Variants in SORCS1 observed in about 807,000 individuals in gnomAD.
SORCS1 encodes sortilin related VPS10 domain containing receptor 1.
In SORCS1, 60 loss-of-function variants were observed where a neutral mutation model predicts 146.1. The ratio of observed to expected loss-of-function variants is 0.41; its 90% confidence interval spans 0.33 to 0.51. The LOEUF is 0.51. Ranked by LOEUF, SORCS1 falls within the 20% of genes least tolerant of loss-of-function variation. The pLI, the probability that SORCS1 is intolerant of heterozygous loss-of-function variation, is 0.21. For missense variants in SORCS1, 1,352 were observed against 1,487.6 expected (o/e 0.91, Z 1.50); for synonymous variants, 637 against 584.0 (o/e 1.09, Z -1.31).
intron 3 of SORCS1, among the ~76,000 whole-genome samples, chr10:106,812,975 A>G (rs560291252): frequency 6.6e-6 from 1 of 152,270 alleles, no homozygotes; most frequent in African/African-American, 2.4e-5. Flanking sequence ...ACCATTTCTC[A>G]GCTGTGGCTT....
chr10:106,914,984 G>A (rs534204929), intron 2 of SORCS1, among the ~76,000 whole-genome samples: 12 of 152,256 alleles, frequency 7.9e-5, no homozygotes, highest in Non-Finnish European at 8.8e-5. Context: ...TAACAGACAC[G>A]AGACTGTGAC....
At chr10:106,711,568 CCT>C (rs1854993356) in intron 6 of SORCS1, among the ~76,000 whole-genome samples, 1 of 152,316 alleles carries the variant, frequency 6.6e-6, no homozygotes, top group Non-Finnish European at 1.5e-5. Flanking sequence ...TTTCTGATAA[CCT>C]CTCAGTAGAC....
At chr10:107,069,444 C>T (rs1229661514) in intron 1 of SORCS1, among the ~76,000 whole-genome samples, 1 of 151,818 alleles carries the variant, frequency 6.6e-6, no homozygotes, top group Non-Finnish European at 1.5e-5. Context: ...AGTGCCATGT[C>T]GGCTCACTGC....
intron 2 of SORCS1, among the ~76,000 whole-genome samples, chr10:106,920,988 AAACAC>A (rs1344124924): frequency 6.6e-6 from 1 of 152,114 alleles, no homozygotes; most frequent in Non-Finnish European, 1.5e-5. Flanking sequence ...GCTCCTGGGA[AAACAC>A]TCCCATTTTT....
At chr10:107,132,539 C>T (rs188483778) in intron 1 of SORCS1, among the ~76,000 whole-genome samples, 3 of 152,228 alleles carry the variant, frequency 2.0e-5, no homozygotes, top group African/African-American at 7.2e-5. Context: ...ACAACAAATA[C>T]TTGTTTCTTG....
chr10:106,648,696 G>A (rs1003116965), intron 18 of SORCS1, among the ~76,000 whole-genome samples: 5 of 152,146 alleles, frequency 3.3e-5, no homozygotes, highest in African/African-American at 9.7e-5. Flanking sequence ...GGAAAGGGAA[G>A]GGAATGGTCC....
At chr10:106,685,091 G>C (rs1852723751) in intron 10 of SORCS1, among the ~76,000 whole-genome samples, 1 of 152,166 alleles carries the variant, frequency 6.6e-6, no homozygotes, top group Non-Finnish European at 1.5e-5. Context: ...ATCTTAATGA[G>C]CTTCCTGCTT....
chr10:107,089,512 G>T (rs973250248), intron 1 of SORCS1, among the ~76,000 whole-genome samples: 18 of 152,250 alleles, frequency 1.2e-4, no homozygotes, highest in African/African-American at 4.3e-4. Flanking sequence ...TCATCTAATA[G>T]ATACTATTTC....
intron 2 of SORCS1, among the ~76,000 whole-genome samples, chr10:106,894,184 C>T (rs956497319): frequency 1.3e-5 from 2 of 151,830 alleles, no homozygotes; most frequent in African/African-American, 2.4e-5. Flanking sequence ...ACTTAATGAA[C>T]AGCAAATTGG....
At chr10:106,901,420 G>A (rs1194123458) in intron 2 of SORCS1, among the ~76,000 whole-genome samples, 1 of 152,068 alleles carries the variant, frequency 6.6e-6, no homozygotes, top group Non-Finnish European at 1.5e-5. Context: ...AAAAATTAAA[G>A]GTATGCAGTT....
intron 3 of SORCS1, among the ~76,000 whole-genome samples, chr10:106,777,892 G>A (rs1589855635): frequency 6.6e-6 from 1 of 152,144 alleles, no homozygotes; most frequent in East Asian, 1.9e-4. Context: ...TTGGTTCAGG[G>A]AAGCATGAAA....
chr10:106,688,086 T>A, intron 10 of SORCS1, 106 bp downstream of exon 10: 1 of 1,475,616 alleles, frequency 6.8e-7, no homozygotes, highest in African/African-American at 1.4e-5. Context: ...CACTCCCTTT[T>A]GTTCATCAAC....
rs184042834 is a variant in SORCS1 at position 106,576,053 on chromosome 10, A to T, written c.*1367T>A. On this transcript the variant is annotated 3_prime_UTR_variant, in exon 26 of 26. Transcript: ENST00000263054. The stretch of plus-strand genomic sequence containing the variant: ...CTCTATGCTTTCTTTTCCAAAGTAC[A>T]TGGCCAGGTTTGAATTACTTTGCAT... The T allele has an allele frequency of 6.6e-6, 1 of 152,298 alleles. No individual in the cohort carries two copies. The highest frequency in any genetic ancestry group is 1.5e-5 in the Non-Finnish European group (1 of 68,046). 9.4% of individuals were successfully genotyped at this position (152,298 alleles called of 1,614,324 possible). A position where few individuals can be genotyped will look rare whatever the true frequency, so the allele number is the denominator to read the frequency against.
chr10:106,912,112 C>CAAAAA (rs369514401), intron 2 of SORCS1, among the ~76,000 whole-genome samples: 7 of 124,734 alleles, frequency 5.6e-5, no homozygotes, highest in Admixed American at 8.2e-5. Flanking sequence ...GCCTCCGTCT[C>CAAAAA]AAAAAAAAAA....
At chr10:106,931,343 G>C (rs1460783079) in intron 2 of SORCS1, among the ~76,000 whole-genome samples, 3 of 152,194 alleles carry the variant, frequency 2.0e-5, no homozygotes, top group Non-Finnish European at 4.4e-5. Flanking sequence ...GTTTACAGTA[G>C]CAGTAGGACA....
chr10:107,101,711 C>T (rs1024747065), intron 1 of SORCS1, among the ~76,000 whole-genome samples: 1 of 151,690 alleles, frequency 6.6e-6, no homozygotes, highest in Non-Finnish European at 1.5e-5. Context: ...GTATGTCAAG[C>T]ATAACATTTC....
chr10:107,043,761 G>A lies in SORCS1; in HGVS notation c.559-87181C>T, dbSNP rs543836507. ...CAGCCCTATGATGCCTACTAAATTC[G>A]GCAATGGAGTGTTTCATTGTGGGAT... On this transcript the variant is annotated intron_variant, in intron 1 of 25. Transcript: ENST00000263054. Among the ~76,000 whole-genome samples, 7 of 152,122 alleles carry A rather than the reference G, an allele frequency of 4.6e-5. No individual in the cohort carries two copies. In the South Asian group the frequency reaches 8.3e-4, roughly 18 times the overall value.
intron 1 of SORCS1, among the ~76,000 whole-genome samples, chr10:107,036,463 C>G (rs1958911029): frequency 6.6e-6 from 1 of 152,126 alleles, no homozygotes; most frequent in African/African-American, 2.4e-5. Flanking sequence ...CCAGTATTCT[C>G]TATGCTCCCA....
chr10:107,169,036 T>C (rs963146756), upstream of SORCS1, among the ~76,000 whole-genome samples: 4 of 152,154 alleles, frequency 2.6e-5, no homozygotes, highest in Admixed American at 6.5e-5. Context: ...GGAAGTAATG[T>C]TAAAGAGAAT....
Sources: gnomAD v4.1 joint callset for allele counts (sites outside exome capture counted in the v4.1 genomes callset) on GRCh38, gnomAD v4.1.1 for gene constraint, MANE v1.5 for transcripts, NCBI Gene and HGNC (gene_info 2026-07-23, HGNC 2026-07-21) for gene names.